Variants in TULP4 observed in about 807,000 individuals in gnomAD.
TULP4 encodes TUB like protein 4.
TULP4 carries 16 observed loss-of-function variants against 129.0 expected under a neutral mutation model. The ratio of observed to expected loss-of-function variants is 0.12; its 90% CI spans 0.08 to 0.19. The LOEUF is 0.19. Among genes scored for constraint, TULP4 ranks in the 10% least tolerant of loss-of-function variants. The probability of loss-of-function intolerance (pLI) is 1.00; values close to 1 mark genes in which losing one functional copy is unlikely to be tolerated. For missense variants in TULP4, 1,842 were observed against 2,059.1 expected (o/e 0.89, Z 2.04); for synonymous variants, 998 against 854.0 (o/e 1.17, Z -2.94).
At chr6:158,331,385 G>T (rs558220511) in intron 1 of TULP4, among the ~76,000 whole-genome samples, 2 of 152,026 alleles carry the variant, frequency 1.3e-5, no homozygotes, top group East Asian at 3.9e-4. Flanking sequence ...TATTTCCTTT[G>T]ATTATTTGGA....
chr6:158,291,868 T>C (rs1306025522), intron 1 of TULP4, among the ~76,000 whole-genome samples: 2 of 152,264 alleles, frequency 1.3e-5, no homozygotes, highest in East Asian at 3.8e-4. Flanking sequence ...GATTTGGTTC[T>C]TTCTGGCATT....
At chr6:158,454,018 A>AACC (rs1554293007) in intron 5 of TULP4, among the ~76,000 whole-genome samples, 1 of 114,622 alleles carries the variant, frequency 8.7e-6, no homozygotes, top group African/African-American at 3.5e-5. Flanking sequence ...CTGCCTCTGC[A>AACC]CCGCCCCCCC....
intron 1 of TULP4, among the ~76,000 whole-genome samples, chr6:158,407,885 TG>T (rs1778003704): frequency 1.3e-5 from 2 of 152,216 alleles, no homozygotes; most frequent in Non-Finnish European, 2.9e-5. Flanking sequence ...TTGAGGTAGA[TG>T]TTCTAAAACA....
chr6:158,234,389 A>G (rs1369315991), intron 1 of TULP4, among the ~76,000 whole-genome samples: 3 of 152,238 alleles, frequency 2.0e-5, no homozygotes, highest in Non-Finnish European at 4.4e-5. Context: ...CAGCCCTCTC[A>G]CTGGATAGTT....
chr6:158,304,612 T>C (rs1208014677), intron 1 of TULP4, among the ~76,000 whole-genome samples: 2 of 152,188 alleles, frequency 1.3e-5, no homozygotes, highest in African/African-American at 4.8e-5. Flanking sequence ...TTTAACCAAC[T>C]TATCTCATTT....
In TULP4 at chr6:158,502,734, C is replaced by A; in HGVS notation, c.3071C>A (p.Thr1024Lys). The A allele has an allele frequency of 6.3e-7, 1 of 1,576,142 alleles. No individual in the cohort carries two copies. The highest frequency in any genetic ancestry group is 1.1e-5 in the South Asian group (1 of 88,088). Residue 1024 changes from threonine to lysine, a missense_variant, in exon 13 of 14, where the codon ACA (threonine) becomes AAA (lysine). Around this residue, in one of 5 missense-constraint regions of TULP4, gnomAD observed 1,089 missense variants for 987.1 expected, o/e 1.10. Transcript: ENST00000367097. The part of the protein sequence containing the change: ...KSKGGPGGVV[T>K]QLPARPPPAL... ...AAGGGCGGGCCCGGGGGGGTGGTGA[C>A]ACAGCTCCCAGCGCGGCCCCCACCT... is the stretch of plus-strand genomic sequence containing the variant.
chr6:158,489,812 A>C, intron 9 of TULP4, 80 bp downstream of exon 9: 1 of 1,557,516 alleles, frequency 6.4e-7, no homozygotes, highest in Non-Finnish European at 8.7e-7. Context: ...AATCGCATTG[A>C]AACTGACCAG....
rs540891238 is a variant in TULP4 at position 158,365,760 on chromosome 6, C to T, written c.253-47305C>T. On this transcript the variant is annotated intron_variant, in intron 1 of 13. Coordinates refer to ENST00000367097, the MANE Select transcript of TULP4 (RefSeq NM_020245.5). ...TGCTGGGATTACAGGCATGAGCTAC[C>T]GCGCCCGGCCTGGAAGTTTTAACAC... Among the ~76,000 whole-genome samples, 20 of 151,770 alleles carry T rather than the reference C, an allele frequency of 1.3e-4. No individual in the cohort carries two copies. The South Asian group carries it at 1.5e-3, about 11-fold the overall frequency.
At chr6:158,481,000 T>G (rs762954160) in intron 7 of TULP4, 55 bp from the exon 8 acceptor site, 60 of 1,461,314 alleles carry the variant, frequency 4.1e-5, no homozygotes, top group Non-Finnish European at 5.2e-5. Flanking sequence ...TCTCTTTCCC[T>G]CTCTCTCTGC....
intron 6 of TULP4, among the ~76,000 whole-genome samples, chr6:158,461,964 T>C (rs991126947): frequency 1.3e-5 from 2 of 152,168 alleles, no homozygotes; most frequent in Non-Finnish European, 2.9e-5. Context: ...TTATCATCAG[T>C]CTGAAGCAGA....
rs144601924 is a variant in TULP4 at position 158,487,680 on chromosome 6, G to A, written c.1487-1908G>A. ...AGCCACCACCTCAGCCTCTGCAAAT[G>A]TGGAGCTTATGTCATGCACTGAATT... is the stretch of plus-strand genomic sequence containing the variant. On this transcript the variant is annotated intron_variant, in intron 8 of 13. Transcript: ENST00000367097. Among the ~76,000 whole-genome samples the A allele has an allele frequency of 2.5e-3, 388 of 152,380 alleles. 5 individuals are homozygous for A. The highest frequency in any genetic ancestry group is 9.1e-3 in the African/African-American group (378 of 41,592).
chr6:158,329,333 T>C (rs1443726793), intron 1 of TULP4, among the ~76,000 whole-genome samples: 1 of 152,160 alleles, frequency 6.6e-6, no homozygotes, highest in Non-Finnish European at 1.5e-5. Context: ...GCCTTTCTTT[T>C]TCCTCCCTGT....
intron 1 of TULP4, among the ~76,000 whole-genome samples, chr6:158,297,972 CG>C (rs1294076321): frequency 1.3e-5 from 2 of 152,014 alleles, no homozygotes; most frequent in African/African-American, 2.4e-5. Flanking sequence ...CCAGAGCGGC[CG>C]TTTATAGACC....
rs1779411592 is a variant in TULP4 at position 158,313,494 on chromosome 6, A to C, written c.-523A>C. 2.5e-6 allele frequency: 1 copy of C among 401,100 alleles called. No homozygotes were observed. The highest frequency in any genetic ancestry group is 3.6e-5 in the East Asian group (1 of 28,102). The allele number at this position is 401,100 out of a possible 1,614,324, so 24.8% of individuals were successfully genotyped here. A position where few individuals can be genotyped will look rare whatever the true frequency, so the allele number is the denominator to read the frequency against. On this transcript the variant is annotated 5_prime_UTR_variant, in exon 1 of 14. Transcript: ENST00000367097. ...AGAGGGTGGCTTCAGAAGGAAGATG[A>C]TCCTGTGTATTCTGTCTCTGCATCC...
chr6:158,334,759 T>G (rs967661829), intron 1 of TULP4, among the ~76,000 whole-genome samples: 1 of 152,144 alleles, frequency 6.6e-6, no homozygotes, highest in African/African-American at 2.4e-5. Flanking sequence ...TATTTAGAGG[T>G]GAGGCCTTAA....
intron 2 of TULP4, among the ~76,000 whole-genome samples, chr6:158,415,883 C>T (rs953171129): frequency 6.6e-5 from 10 of 152,132 alleles, no homozygotes; most frequent in African/African-American, 2.4e-4. Context: ...GAGGTAAAAT[C>T]CCATGATAGG....
At chr6:158,306,867 A>G (rs1265594843) in intron 1 of TULP4, among the ~76,000 whole-genome samples, 2 of 152,116 alleles carry the variant, frequency 1.3e-5, no homozygotes, top group African/African-American at 4.8e-5. Context: ...ACACAATACA[A>G]AAGTTAACTG....
intron 1 of TULP4, among the ~76,000 whole-genome samples, chr6:158,289,281 T>C (rs1318590986): frequency 6.6e-6 from 1 of 152,170 alleles, no homozygotes; most frequent in East Asian, 1.9e-4. Context: ...TTGTCAGTAT[T>C]TATTTGTGCT....
intron 1 of TULP4, among the ~76,000 whole-genome samples, chr6:158,396,113 C>T (rs899299465): frequency 2.0e-5 from 3 of 152,096 alleles, no homozygotes; most frequent in East Asian, 1.9e-4. Context: ...GAATAATCTT[C>T]GTAGTTCAAT....
Sources: gnomAD v4.1 joint callset for allele counts (sites outside exome capture counted in the v4.1 genomes callset) on GRCh38, gnomAD v4.1.1 for gene constraint, gnomAD v4.1.1 regional missense constraint, MANE v1.5 for transcripts, NCBI Gene and HGNC (gene_info 2026-07-23, HGNC 2026-07-21) for gene names.